Variants in PDE1C observed in about 807,000 individuals in gnomAD.
The protein encoded by PDE1C is dual specificity calcium/calmodulin-dependent 3',5'-cyclic nucleotide phosphodiesterase 1C.
Under a neutral mutation model 93.1 loss-of-function variants are expected in PDE1C, and 62 were observed. That is an observed-to-expected ratio of 0.67 (90% confidence interval 0.54 to 0.82). PDE1C has a LOEUF of 0.82. Among genes scored for constraint, PDE1C ranks in the 40% least tolerant of loss-of-function variants. The pLI, the probability that PDE1C is intolerant of heterozygous loss-of-function variation, is 0.00. For missense variants in PDE1C, 742 were observed against 884.6 expected, an observed-to-expected ratio of 0.84 and a Z score of 2.04; for synonymous variants, 325 against 310.1, an observed-to-expected ratio of 1.05 and a Z score of -0.50.
Position 31,873,294 on chromosome 7 carries a change from T to C in PDE1C, c.607A>G (p.Lys203Glu). Residue 203 changes from lysine (K) to glutamate (E), a missense_variant and splice_region_variant, in exon 6 of 18, where the codon AAG becomes GAG. Around this residue, in one of 4 missense-constraint regions of PDE1C, gnomAD observed 205 missense variants for 295.3 expected, o/e 0.69. Coordinates refer to ENST00000396191, the MANE Select transcript of PDE1C (RefSeq NM_001191057.4). ...LTRYDLISRF[K>E]IPISALVSFV... ...TTTCTTTTTAAAGAGGTACTGACCT[T>C]GAAACGGCTGATCAGATCATAACGT... is the stretch of plus-strand genomic sequence containing the variant. 6.3e-7 allele frequency: 1 copy of C among 1,591,038 alleles called. No homozygotes were observed. Among genetic ancestry groups the C allele is most frequent in the Non-Finnish European group, 8.6e-7 (1 of 1,160,190 alleles).
chr7:32,245,610 C>T (rs1472979486), intron 1 of PDE1C, among the ~76,000 whole-genome samples: 1 of 152,268 alleles, frequency 6.6e-6, no homozygotes, highest in Non-Finnish European at 1.5e-5. Context: ...GTTTTCTCTC[C>T]CAGGTGTATC....
chr7:32,034,190 T>C (rs1790728986), intron 2 of PDE1C, among the ~76,000 whole-genome samples: 2 of 151,866 alleles, frequency 1.3e-5, no homozygotes, highest in Non-Finnish European at 2.9e-5. Context: ...AGAGACAACA[T>C]GAGCAAAGAA....
chr7:31,801,910 G>A (rs535629066), intron 16 of PDE1C, among the ~76,000 whole-genome samples: 2 of 151,370 alleles, frequency 1.3e-5, no homozygotes, highest in East Asian at 1.9e-4. Context: ...ATGTTTATGC[G>A]ATACAAGTGT....
At chr7:31,948,850 G>C (rs1020345882) in intron 2 of PDE1C, among the ~76,000 whole-genome samples, 3 of 152,080 alleles carry the variant, frequency 2.0e-5, no homozygotes, top group Admixed American at 2.0e-4. Flanking sequence ...CCCCAAACTG[G>C]GGCACAGCAA....
intron 16 of PDE1C, chr7:31,790,305 C>T (rs747741972): frequency 5.9e-6 from 9 of 1,526,158 alleles, no homozygotes; most frequent in Non-Finnish European, 6.3e-6. Context: ...GCTGCCTTTC[C>T]CCCCGCCCAC....
the PDE1C span, among the ~76,000 whole-genome samples, chr7:31,733,783 G>A: frequency 1.3e-5 from 2 of 152,076 alleles, no homozygotes; most frequent in East Asian, 3.9e-4. Flanking sequence ...TCAACCTGAG[G>A]TCAGGAGTTC....
rs181243432 is a variant in PDE1C, at chr7:32,250,950, C to G, written c.86-41411G>C. On this transcript the variant is annotated intron_variant, in intron 1 of 18. Transcript: ENST00000396193. ...TCTTTTGATTGAAAAGGCGCATGAT[C>G]TAATGCCAGATGGCGACATTTGTAC... Among the ~76,000 whole-genome samples the G allele has an allele frequency of 1.9e-4, 29 of 152,362 alleles. No individual in the cohort carries two copies. The East Asian group carries it at 5.0e-3, about 26-fold the overall frequency.
intron 2 of PDE1C, among the ~76,000 whole-genome samples, chr7:31,972,873 G>A (rs1317358579): frequency 6.6e-6 from 1 of 152,120 alleles, no homozygotes; most frequent in Non-Finnish European, 1.5e-5. Context: ...CCCCCCATGA[G>A]CCTGGCATCT....
In PDE1C at chr7:32,054,388, A is replaced by G. The variant is rs1267150681; in HGVS notation, c.102-2808T>C. Among the ~76,000 whole-genome samples the G allele has an allele frequency of 2.6e-5, 4 of 152,290 alleles. No individual in the cohort carries two copies. The East Asian group carries it at 7.7e-4, about 29-fold the overall frequency. On this transcript the variant is annotated intron_variant, in intron 1 of 17. Coordinates refer to ENST00000396191, the MANE Select transcript of PDE1C (RefSeq NM_001191057.4). The stretch of plus-strand genomic sequence containing the variant: ...CTGCATCTGTGAAATGGATGAGATG[A>G]TCTCAAATGAGATAGTGTATTAAAT...
intron 2 of PDE1C, among the ~76,000 whole-genome samples, chr7:32,008,386 A>T (rs1250525429): frequency 6.6e-6 from 1 of 152,302 alleles, no homozygotes; most frequent in East Asian, 1.9e-4. Flanking sequence ...GGCACGTTCC[A>T]TTAAGGATCC....
At chr7:31,847,709 C>T (rs886090357) in intron 9 of PDE1C, among the ~76,000 whole-genome samples, 6 of 151,988 alleles carry the variant, frequency 3.9e-5, no homozygotes, top group Middle Eastern at 3.4e-3. Context: ...GTAAAGATGG[C>T]AAAATAAAGT....
chr7:31,670,886 C>T, the PDE1C span, among the ~76,000 whole-genome samples: 1 of 152,066 alleles, frequency 6.6e-6, no homozygotes, highest in Non-Finnish European at 1.5e-5. Flanking sequence ...AGCTGGAGGT[C>T]GGAGACTATG....
At chr7:32,285,540 A>G (rs1452610856) in intron 1 of PDE1C, among the ~76,000 whole-genome samples, 5 of 152,170 alleles carry the variant, frequency 3.3e-5, no homozygotes, top group Non-Finnish European at 7.3e-5. Context: ...GTACTTATAC[A>G]TGGTGATGAT....
chr7:32,002,858 T>A (rs1197735907), intron 2 of PDE1C, among the ~76,000 whole-genome samples: 4 of 152,188 alleles, frequency 2.6e-5, no homozygotes. Flanking sequence ...AATGTCAACA[T>A]GGAATGAAAA....
the PDE1C span, among the ~76,000 whole-genome samples, chr7:31,678,218 T>C: frequency 6.6e-6 from 1 of 152,064 alleles, no homozygotes; most frequent in Non-Finnish European, 1.5e-5. Flanking sequence ...AAAAACACCA[T>C]TTTTCTGGAG....
chr7:32,414,122 A>C (rs1785226172), intron 1 of PDE1C, among the ~76,000 whole-genome samples: 2 of 151,816 alleles, frequency 1.3e-5, no homozygotes, highest in Non-Finnish European at 2.9e-5. Context: ...CTGAGGCAGG[A>C]GGATTGCTTG....
chr7:32,084,321 A>C (rs1363477391), intron 3 of PDE1C, among the ~76,000 whole-genome samples: 3 of 151,412 alleles, frequency 2.0e-5, no homozygotes, highest in Non-Finnish European at 4.4e-5. Flanking sequence ...ATATATATGC[A>C]CCCAATACAG....
Position 31,753,330 on chromosome 7 carries a change from G to A in PDE1C, c.*54C>T, listed in dbSNP as rs1794228043. 1 of 1,576,540 alleles carries A rather than the reference G, an allele frequency of 6.3e-7. No homozygotes were observed. The highest frequency in any genetic ancestry group is 2.2e-5 in the East Asian group (1 of 44,526). On this transcript the variant is annotated 3_prime_UTR_variant, in exon 18 of 18. Transcript: ENST00000396191. ...GTGTGTCCTGCTGTGGCCAGTGGGTGCTGAGAAGCAGATAGGTAGACCCTC... is the reference window on the plus strand; with the variant it reads ...GTGTGTCCTGCTGTGGCCAGTGGGTACTGAGAAGCAGATAGGTAGACCCTC...
the PDE1C span, among the ~76,000 whole-genome samples, chr7:31,745,003 T>C: frequency 6.6e-6 from 1 of 152,040 alleles, no homozygotes; most frequent in South Asian, 2.1e-4. Flanking sequence ...AGATACGACA[T>C]TTCAATCTTT....
Sources: gnomAD v4.1 joint callset for allele counts (sites outside exome capture counted in the v4.1 genomes callset) on GRCh38, gnomAD v4.1.1 for gene constraint, gnomAD v4.1.1 regional missense constraint, MANE v1.5 for transcripts, NCBI Gene and HGNC (gene_info 2026-07-23, HGNC 2026-07-21) for gene names.